The following SEC24B variants were observed in gnomAD, a reference collection of about 807,000 sequenced individuals.
SEC24B encodes the protein protein transport protein Sec24B.
Under a neutral mutation model 142.8 loss-of-function variants are expected in SEC24B, and 45 were observed. The observed-to-expected ratio is 0.32, with a 90% CI of 0.25 to 0.40. SEC24B has a LOEUF of 0.40. Ranked by LOEUF, SEC24B falls within the 10% of genes least tolerant of loss-of-function variation. SEC24B has a pLI of 1.00. For synonymous variants in SEC24B, 574 were observed against 568.2 expected (o/e 1.01, Z -0.15); for missense variants, 1,409 against 1,526.8 (o/e 0.92, Z 1.29).
chr4:109,462,874 A>G (rs767786621), intron 1 of SEC24B, 27 bp from the exon 2 acceptor site: 4 of 1,455,148 alleles, frequency 2.7e-6, no homozygotes, highest in Admixed American at 2.3e-5. Context: ...TCTCTTTACA[A>G]ATACCTGTAA....
At chr4:109,435,230 T>G (rs897486321) in intron 1 of SEC24B, among the ~76,000 whole-genome samples, 6 of 152,256 alleles carry the variant, frequency 3.9e-5, no homozygotes, top group Non-Finnish European at 8.8e-5. Context: ...CTTAATATTC[T>G]TTGGATCAGC....
At chr4:109,439,990 G>A (rs1222629562) in intron 1 of SEC24B, among the ~76,000 whole-genome samples, 1 of 151,550 alleles carries the variant, frequency 6.6e-6, no homozygotes, top group Non-Finnish European at 1.5e-5. Context: ...CGTGGTGGCA[G>A]GTGCCTGTAA....
At chr4:109,533,227 AT>A (rs1201971604) in intron 21 of SEC24B, among the ~76,000 whole-genome samples, 7 of 152,196 alleles carry the variant, frequency 4.6e-5, no homozygotes, top group African/African-American at 1.4e-4. Flanking sequence ...ATGATGCCTT[AT>A]GAGCAGAAAA....
chr4:109,533,742 TA>T, intron 22 of SEC24B, 57 bp downstream of exon 22: 1 of 1,038,560 alleles, frequency 9.6e-7, no homozygotes. Context: ...TTTATTGATG[TA>T]AAATTCATGT....
chr4:109,464,119 T>C (rs946072524), intron 2 of SEC24B, among the ~76,000 whole-genome samples: 1 of 152,188 alleles, frequency 6.6e-6, no homozygotes, highest in Non-Finnish European at 1.5e-5. Context: ...AAGACATCTT[T>C]CCTGCACGTA....
At chr4:109,437,497 C>T (rs571122073) in intron 1 of SEC24B, among the ~76,000 whole-genome samples, 23 of 152,018 alleles carry the variant, frequency 1.5e-4, no homozygotes, top group East Asian at 7.7e-4. Context: ...ACCATGTTGC[C>T]CAGGCTGTTC....
chr4:109,449,546 C>T lies in SEC24B; in HGVS notation c.134-13355C>T, dbSNP rs547036807. On this transcript the variant is annotated intron_variant, in intron 1 of 23. Transcript: ENST00000265175. ...TACGCCCAGACATTTATTTTCACAACAGTTCTGGAGGCTGGAAGTTTGAGA... is the reference window on the plus strand; with the variant it reads ...TACGCCCAGACATTTATTTTCACAATAGTTCTGGAGGCTGGAAGTTTGAGA... 1.1e-4 allele frequency: 49 copies of T among 455,548 alleles called. No individual in the cohort carries two copies. In the East Asian group the frequency reaches 2.9e-3, roughly 27 times the overall value. The allele number at this position is 455,548 out of a possible 1,614,324, so 28.2% of individuals were successfully genotyped here. A position where few individuals can be genotyped will look rare whatever the true frequency, so the allele number is the denominator to read the frequency against.
At chr4:109,536,891 G>A (rs148286715) in intron 22 of SEC24B, among the ~76,000 whole-genome samples, 1 of 151,438 alleles carries the variant, frequency 6.6e-6, no homozygotes, top group Non-Finnish European at 1.5e-5. Context: ...TGATTCAAAA[G>A]ATCAATAAAT....
chr4:109,486,583 G>A (rs2125993336), intron 4 of SEC24B, among the ~76,000 whole-genome samples: 1 of 152,262 alleles, frequency 6.6e-6, no homozygotes, highest in African/African-American at 2.4e-5. Flanking sequence ...GTAGAAGAAT[G>A]AGAGAAAATT....
intron 6 of SEC24B, among the ~76,000 whole-genome samples, chr4:109,497,555 C>CTTTT (rs11413496): frequency 2.8e-5 from 4 of 141,530 alleles, no homozygotes; most frequent in African/African-American, 1.0e-4. Context: ...TCCCACCTTT[C>CTTTT]TTTTTTTTTT....
chr4:109,494,836 G>A lies in SEC24B; in HGVS notation c.1468G>A (p.Gly490Arg), dbSNP rs772027006. ...ACAGCCCAGTAACCCGGTATATTCT[G>A]GATTCCAGCAGTATCCTCAAGTATG... The part of the protein sequence containing the change: ...GVQPSNPVYS[G>R]FQQYPQQYPG... The change falls in exon 6 of 24, where the codon GGA becomes AGA. Residue 490 changes from glycine to arginine, a missense_variant. Around this residue, in one of 2 missense-constraint regions of SEC24B, gnomAD observed 709 missense variants for 673.5 expected, o/e 1.05. Transcript: ENST00000265175. 3.7e-6 allele frequency: 6 copies of A among 1,613,910 alleles called. No homozygotes were observed. In the Admixed American group the frequency reaches 6.7e-5, roughly 18 times the overall value.
chr4:109,482,303 A>G (rs1005791380), intron 4 of SEC24B, among the ~76,000 whole-genome samples: 2 of 152,224 alleles, frequency 1.3e-5, no homozygotes, highest in African/African-American at 4.8e-5. Flanking sequence ...GAAATAGTAC[A>G]TATCTTGCTA....
chr4:109,530,766 C>T (rs568170536), intron 19 of SEC24B, among the ~76,000 whole-genome samples: 25 of 151,896 alleles, frequency 1.6e-4, no homozygotes, highest in Non-Finnish European at 2.8e-4. Flanking sequence ...GCTGGTGGCA[C>T]GCGCCTGTAA....
At chr4:109,506,298 C>G (rs777134173) in intron 6 of SEC24B, 30 bp from the exon 7 acceptor site, 1 of 1,424,994 alleles carries the variant, frequency 7.0e-7, no homozygotes, top group East Asian at 2.5e-5. Context: ...TTTTATTGTT[C>G]TTTTATTTTG....
At chr4:109,475,181 T>C (rs1412674840) in intron 3 of SEC24B, among the ~76,000 whole-genome samples, 1 of 152,248 alleles carries the variant, frequency 6.6e-6, no homozygotes, top group Non-Finnish European at 1.5e-5. Flanking sequence ...AATATCATAC[T>C]GGGGACATCT....
chr4:109,506,293 T>C (rs755576106), intron 6 of SEC24B, 35 bp from the exon 7 acceptor site: 1 of 1,419,890 alleles, frequency 7.0e-7, no homozygotes, highest in Non-Finnish European at 9.3e-7. Context: ...TTATGTTTTA[T>C]TGTTCTTTTA....
chr4:109,453,712 C>T (rs573778370), intron 1 of SEC24B, among the ~76,000 whole-genome samples: 11 of 152,128 alleles, frequency 7.2e-5, no homozygotes, highest in South Asian at 4.1e-4. Flanking sequence ...GGTCCTGAGG[C>T]GACATACATC....
chr4:109,466,944 G>A (rs1044329268), intron 2 of SEC24B, among the ~76,000 whole-genome samples: 3 of 152,136 alleles, frequency 2.0e-5, no homozygotes, highest in Admixed American at 6.6e-5. Context: ...GACTAAAGGG[G>A]ACCTTTAAAT....
At chr4:109,530,981 C>T (rs938667958) in intron 19 of SEC24B, among the ~76,000 whole-genome samples, 5 of 150,058 alleles carry the variant, frequency 3.3e-5, no homozygotes, top group Admixed American at 6.6e-5. Flanking sequence ...AAACCATATT[C>T]TCTCTTCTTT....
Sources: gnomAD v4.1 joint callset for allele counts (sites outside exome capture counted in the v4.1 genomes callset) on GRCh38, gnomAD v4.1.1 for gene constraint, gnomAD v4.1.1 regional missense constraint, MANE v1.5 for transcripts, NCBI Gene and HGNC (gene_info 2026-07-23, HGNC 2026-07-21) for gene names.